TIAM2: variants seen among roughly 807,000 people sequenced by gnomAD.
TIAM2 encodes the protein TIAM Rac1 associated GEF 2.
In TIAM2, 80 loss-of-function variants were observed where a neutral mutation model predicts 152.9. That is an observed-to-expected ratio of 0.52 (90% CI 0.44 to 0.63). The LOEUF (loss-of-function observed/expected upper bound fraction) is 0.63, where lower values mean the gene tolerates loss of function less well. Among genes scored for constraint, TIAM2 ranks in the 30% least tolerant of loss-of-function variants. TIAM2 has a pLI of 0.00. For missense variants in TIAM2, 1,965 were observed against 2,120.1 expected (o/e 0.93, Z 1.44); for synonymous variants, 804 against 838.0 (o/e 0.96, Z 0.70).
chr6:155,118,427 T>G (rs953596664), intron 2 of TIAM2, among the ~76,000 whole-genome samples: 1 of 117,886 alleles, frequency 8.5e-6, no homozygotes, highest in Non-Finnish European at 1.6e-5. Context: ...CTTTTTCTTT[T>G]TCTTTTTCTT....
intron 7 of TIAM2, among the ~76,000 whole-genome samples, chr6:155,163,649 T>C (rs1018726130): frequency 6.6e-6 from 1 of 152,264 alleles, no homozygotes; most frequent in Non-Finnish European, 1.5e-5. Context: ...TTGCTTCTTA[T>C]TGTTTTGAGT....
chr6:155,026,102 C>T (rs1228221951), intron 1 of TIAM2, among the ~76,000 whole-genome samples: 1 of 152,114 alleles, frequency 6.6e-6, no homozygotes, highest in African/African-American at 2.4e-5. Flanking sequence ...TATATGGAAA[C>T]ATAAAACAGC....
At position 155,251,993 on chromosome 6, in the gene TIAM2, A is replaced by G. The variant is rs1395780315; in HGVS notation, c.4109A>G (p.Lys1370Arg). ...GTTTATAAAGAAAACTGCAAACTGA[A>G]AAAGAAATTGGTAAGGCAAAAATTC... Reference protein sequence around the residue: ...ILVYKENCKLKKKLPSNSRPA... With the variant: ...ILVYKENCKLRKKLPSNSRPA... Residue 1370 changes from lysine to arginine, a missense_variant, in exon 23 of 27, where the codon AAA becomes AGA. This residue lies in a region of TIAM2 where 935 missense variants were observed against 980.0 expected (regional missense o/e 0.95). Coordinates refer to ENST00000682666, the MANE Select transcript of TIAM2 (RefSeq NM_012454.4). 6.2e-7 allele frequency: 1 copy of G among 1,605,334 alleles called. No homozygotes were observed. The highest frequency in any genetic ancestry group is 1.7e-5 in the Admixed American group (1 of 57,498).
chr6:155,217,088 C>CA (rs774936607), intron 15 of TIAM2: 1 of 1,289,498 alleles, frequency 7.8e-7, no homozygotes, highest in South Asian at 1.2e-5. Context: ...TTATGTACAG[C>CA]ATGTAAGTAA....
chr6:155,061,878 G>T (rs1489998205), intron 1 of TIAM2, among the ~76,000 whole-genome samples: 1 of 152,118 alleles, frequency 6.6e-6, no homozygotes, highest in African/African-American at 2.4e-5. Context: ...ACAGTTTTAT[G>T]GGTTTTTCAC....
intron 9 of TIAM2, among the ~76,000 whole-genome samples, chr6:155,168,688 T>C (rs1447683373): frequency 5.9e-5 from 9 of 152,304 alleles, no homozygotes; most frequent in African/African-American, 2.2e-4. Flanking sequence ...ATGCGGGAAA[T>C]AAAAACTTTA....
At chr6:155,142,774 T>G (rs146652530) in intron 5 of TIAM2, among the ~76,000 whole-genome samples, 2 of 152,226 alleles carry the variant, frequency 1.3e-5, no homozygotes, top group African/African-American at 4.8e-5. Flanking sequence ...TGAGTTTTAT[T>G]TGCGGGGAGG....
chr6:155,136,889 C>G (rs748852558), intron 4 of TIAM2, among the ~76,000 whole-genome samples: 58 of 152,104 alleles, frequency 3.8e-4, no homozygotes, highest in African/African-American at 9.9e-4. Context: ...TGTAAACATA[C>G]TAGTTAATTT....
At chr6:155,029,513 C>CTATATATTATAG (rs1776769842) in intron 1 of TIAM2, among the ~76,000 whole-genome samples, 3 of 22,078 alleles carry the variant, frequency 1.4e-4, no homozygotes, top group Admixed American at 2.4e-3. Context: ...ATAATATATA[C>CTATATATTATAG]TATATATTAT....
chr6:155,110,999 G>A lies in TIAM2; in HGVS notation c.-117-16491G>A, dbSNP rs561743800. Among the ~76,000 whole-genome samples the A allele has an allele frequency of 1.6e-4, 25 of 152,142 alleles. No homozygotes were observed. In the South Asian group the frequency reaches 4.2e-3, roughly 25 times the overall value. ...CTATAGTCGCAGAATTGCTAGAGTC[G>A]GATTTCTAAAATGGAGATGTGGGGA... On this transcript the variant is annotated intron_variant, in intron 2 of 26. Transcript: ENST00000682666.
chr6:155,085,291 T>C (rs1778151025), intron 1 of TIAM2, among the ~76,000 whole-genome samples: 1 of 152,170 alleles, frequency 6.6e-6, no homozygotes. Flanking sequence ...AAGGCATGAA[T>C]TTGAGAGAAA....
At chr6:155,076,026 C>T (rs1777950888) in intron 1 of TIAM2, among the ~76,000 whole-genome samples, 1 of 152,194 alleles carries the variant, frequency 6.6e-6, no homozygotes, top group Non-Finnish European at 1.5e-5. Context: ...GGCAGGTTTT[C>T]AGTCTCCACC....
chr6:155,066,544 T>G (rs1777698091), intron 1 of TIAM2, among the ~76,000 whole-genome samples: 1 of 152,154 alleles, frequency 6.6e-6, no homozygotes, highest in Non-Finnish European at 1.5e-5. Flanking sequence ...CTTCAACAAT[T>G]TTATGGTCTT....
chr6:155,003,035 T>G (rs1411512860), intron 1 of TIAM2, among the ~76,000 whole-genome samples: 2 of 152,122 alleles, frequency 1.3e-5, no homozygotes, highest in Non-Finnish European at 2.9e-5. Context: ...TCCAGCCTGG[T>G]GCTTTAGTGA....
chr6:155,065,509 G>A (rs1562305797), intron 1 of TIAM2, among the ~76,000 whole-genome samples: 1 of 152,000 alleles, frequency 6.6e-6, no homozygotes, highest in Non-Finnish European at 1.5e-5. Context: ...CCAGCGCAGT[G>A]GCTCATGCCT....
chr6:155,228,978 A>G (rs967713087), intron 15 of TIAM2, among the ~76,000 whole-genome samples: 1 of 152,156 alleles, frequency 6.6e-6, no homozygotes, highest in African/African-American at 2.4e-5. Flanking sequence ...AGGATTTGCC[A>G]CTTGGGACAT....
intron 13 of TIAM2, among the ~76,000 whole-genome samples, 174 bp downstream of exon 13, chr6:155,182,492 G>T (rs3792966): frequency 2.0e-4 from 30 of 152,144 alleles, no homozygotes; most frequent in Middle Eastern, 3.4e-3. Flanking sequence ...CGGCTCGCTC[G>T]CATAAACCCA....
In TIAM2 at chr6:155,130,318, C is replaced by A. The variant is rs1779418176; in HGVS notation, c.1095C>A (p.Ala365=). The stretch of plus-strand genomic sequence containing the variant: ...CTCTCCCCTGTCGGAAGCCCAAAGC[C>A]TTTGTTGAGGATACTGCGAAGAAGG... ...SFTLPCRKPK[A]FVEDTAKKDS... Residue 365 remains alanine, a synonymous_variant, in exon 4 of 27, where the codon GCC becomes GCA. Coordinates refer to ENST00000682666, the MANE Select transcript of TIAM2 (RefSeq NM_012454.4). The A allele has an allele frequency of 6.2e-7, 1 of 1,614,128 alleles. No individual in the cohort carries two copies.
chr6:155,256,539 T>G lies in TIAM2; in HGVS notation c.4524T>G (p.Gly1508=), dbSNP rs1308734622. ...LKNSSSNEWT[G]ETGKGTLLDS... ...ATTCCTCCAGCAACGAGTGGACCGG[T>G]GAGACTGGCAAGGGAACCTTGCTGG... is the stretch of plus-strand genomic sequence containing the variant. The change falls in exon 27 of 27, where the codon GGT becomes GGG. Residue 1508 remains glycine, a synonymous_variant. Coordinates refer to ENST00000682666, the MANE Select transcript of TIAM2 (RefSeq NM_012454.4). The G allele has an allele frequency of 6.2e-7, 1 of 1,614,188 alleles. No individual in the cohort carries two copies. The highest frequency in any genetic ancestry group is 1.1e-5 in the South Asian group (1 of 91,080).
Sources: gnomAD v4.1 joint callset for allele counts (sites outside exome capture counted in the v4.1 genomes callset) on GRCh38, gnomAD v4.1.1 for gene constraint, gnomAD v4.1.1 regional missense constraint, MANE v1.5 for transcripts, NCBI Gene and HGNC (gene_info 2026-07-23, HGNC 2026-07-21) for gene names.